TENM4: variants seen among roughly 807,000 people sequenced by gnomAD.
TENM4 encodes teneurin transmembrane protein 4, also known as teneurin-4.
In TENM4, 82 loss-of-function variants were observed where a neutral mutation model predicts 243.3. The ratio of observed to expected loss-of-function variants is 0.34; its 90% CI spans 0.28 to 0.40. TENM4 has a LOEUF of 0.40. TENM4 is among the 10% of genes least tolerant of loss of function. The pLI, the probability that TENM4 is intolerant of heterozygous loss-of-function variation, is 1.00. For missense variants in TENM4, 3,138 were observed against 3,673.3 expected, an observed-to-expected ratio of 0.85 and a Z score of 3.77; for synonymous variants, 1,412 against 1,456.3, an observed-to-expected ratio of 0.97 and a Z score of 0.69.
At chr11:79,138,336 A>G (rs1862156977) in intron 4 of TENM4, among the ~76,000 whole-genome samples, 1 of 124,066 alleles carries the variant, frequency 8.1e-6, no homozygotes, top group Admixed American at 1.0e-4. Context: ...TATATTATAT[A>G]TATAATATAT....
chr11:79,235,218 C>T (rs1015193662), intron 2 of TENM4, among the ~76,000 whole-genome samples: 7 of 152,238 alleles, frequency 4.6e-5, no homozygotes, highest in African/African-American at 1.7e-4. Context: ...GAGGCTGAGG[C>T]AGGAGAATCG....
intron 6 of TENM4, among the ~76,000 whole-genome samples, chr11:79,053,445 G>C (rs1043286609): frequency 6.6e-6 from 1 of 152,202 alleles, no homozygotes; most frequent in Non-Finnish European, 1.5e-5. Context: ...ATCACCTTCA[G>C]GACAAAGGCT....
chr11:79,028,917 A>C (rs1859155777), intron 6 of TENM4, among the ~76,000 whole-genome samples: 1 of 152,194 alleles, frequency 6.6e-6, no homozygotes, highest in Admixed American at 6.5e-5. Flanking sequence ...TCTGAGTTTA[A>C]CAAGCACACT....
Position 79,399,982 on chromosome 11 carries a change from C to T in TENM4, c.-321+40527G>A, listed in dbSNP as rs192677058. Among the ~76,000 whole-genome samples the T allele has an allele frequency of 5.3e-5, 8 of 152,138 alleles. No homozygotes were observed. In the East Asian group the frequency reaches 1.5e-3, roughly 29 times the overall value. On this transcript the variant is annotated intron_variant, in intron 1 of 33. Coordinates refer to ENST00000278550, the MANE Select transcript of TENM4 (RefSeq NM_001098816.3). ...CAAACTCCCACCCAAGGCAGAAATCCTTCTTTAAACAACCCTGACAAACCA... is the reference window on the plus strand; with the variant it reads ...CAAACTCCCACCCAAGGCAGAAATCTTTCTTTAAACAACCCTGACAAACCA...
intron 28 of TENM4, among the ~76,000 whole-genome samples, chr11:78,688,801 A>G (rs1431586379): frequency 6.6e-6 from 1 of 152,076 alleles, no homozygotes; most frequent in South Asian, 2.1e-4. Flanking sequence ...GCCTCTTGCA[A>G]CCCCTTCCAT....
In TENM4 at chr11:78,683,247, C is replaced by A. The variant is rs958524136; in HGVS notation, c.5260+4807G>T. Among the ~76,000 whole-genome samples the A allele has an allele frequency of 5.0e-4, 28 of 55,906 alleles. 7 individuals carry two copies. Among genetic ancestry groups the A allele is most frequent in the East Asian group, 3.7e-3 (15 of 4,104 alleles). The allele number at this position is 55,906 out of a possible 152,430, so 36.7% of individuals were successfully genotyped here. A position where few individuals can be genotyped will look rare whatever the true frequency, so the allele number is the denominator to read the frequency against. On this transcript the variant is annotated intron_variant, in intron 29 of 33. Transcript: ENST00000278550. ...TGTCTTTTTGTTTGTCTGTGCCCTG[C>A]CCCCAGAGGTGGAGCCTACAGAGGC...
At chr11:79,030,585 T>C (rs1859202526) in intron 6 of TENM4, among the ~76,000 whole-genome samples, 1 of 152,042 alleles carries the variant, frequency 6.6e-6, no homozygotes, top group African/African-American at 2.4e-5. Context: ...GTCAGTCCTC[T>C]CCAATTTTAG....
chr11:78,676,091 C>T (rs907102912), intron 30 of TENM4, 61 bp downstream of exon 30: 21 of 1,385,894 alleles, frequency 1.5e-5, no homozygotes, highest in Middle Eastern at 2.7e-4. Context: ...AACAGAGCCC[C>T]GTTCTCCCGT....
intron 1 of TENM4, among the ~76,000 whole-genome samples, chr11:79,309,298 A>G (rs1590869172): frequency 6.6e-6 from 1 of 152,212 alleles, no homozygotes; most frequent in African/African-American, 2.4e-5. Context: ...GGCGAATTTC[A>G]TTGCCTTGGG....
chr11:78,892,327 C>A (rs1855687442), intron 7 of TENM4, among the ~76,000 whole-genome samples: 1 of 152,178 alleles, frequency 6.6e-6, no homozygotes, highest in Non-Finnish European at 1.5e-5. Flanking sequence ...TGTAACAATC[C>A]AGTGGTGGCT....
At chr11:78,947,170 T>C (rs1404833864) in intron 6 of TENM4, among the ~76,000 whole-genome samples, 2 of 152,090 alleles carry the variant, frequency 1.3e-5, no homozygotes, top group African/African-American at 4.8e-5. Flanking sequence ...GTTTACAGAG[T>C]ACCCACCGTG....
At chr11:79,144,704 C>T (rs1862363861) in intron 4 of TENM4, among the ~76,000 whole-genome samples, 1 of 152,006 alleles carries the variant, frequency 6.6e-6, no homozygotes, top group South Asian at 2.1e-4. Context: ...TGCATGTTCT[C>T]ACTCATCTGT....
intron 27 of TENM4, among the ~76,000 whole-genome samples, chr11:78,706,160 A>G (rs1859242820): frequency 6.6e-6 from 1 of 152,224 alleles, no homozygotes; most frequent in Non-Finnish European, 1.5e-5. Context: ...GTAAGAAAAG[A>G]GAAGTTGTAC....
intron 26 of TENM4, among the ~76,000 whole-genome samples, chr11:78,710,346 T>C (rs1242069037): frequency 1.3e-5 from 2 of 152,150 alleles, no homozygotes; most frequent in Non-Finnish European, 2.9e-5. Context: ...GACCCACGTG[T>C]CTCTCACTGG....
At chr11:78,952,874 A>G (rs1857133071) in intron 6 of TENM4, among the ~76,000 whole-genome samples, 2 of 152,092 alleles carry the variant, frequency 1.3e-5, no homozygotes, top group Admixed American at 1.3e-4. Flanking sequence ...TCACTGAGAT[A>G]GTGGGGAAAG....
intron 27 of TENM4, among the ~76,000 whole-genome samples, chr11:78,707,897 T>C (rs1406890321): frequency 6.6e-6 from 1 of 152,210 alleles, no homozygotes; most frequent in Non-Finnish European, 1.5e-5. Context: ...AAAGCTAGGA[T>C]TCAATCAATC....
At chr11:79,094,007 T>C (rs1215780560) in intron 4 of TENM4, among the ~76,000 whole-genome samples, 3 of 152,204 alleles carry the variant, frequency 2.0e-5, no homozygotes, top group Admixed American at 6.5e-5. Flanking sequence ...ACTAGGTACA[T>C]TTCAAAAGTA....
At chr11:78,823,195 G>A (rs1256787445) in intron 12 of TENM4, among the ~76,000 whole-genome samples, 2 of 152,182 alleles carry the variant, frequency 1.3e-5, no homozygotes, top group Admixed American at 6.5e-5. Flanking sequence ...GAGCGCTCCC[G>A]GGAAATGCCT....
intron 3 of TENM4, among the ~76,000 whole-genome samples, chr11:79,173,487 G>T (rs661939): frequency 0.076 from 11,562 of 152,136 alleles, 519 homozygotes; most frequent in South Asian, 0.14. Flanking sequence ...CACCAGGTGG[G>T]TCAGTCTGCC....
Sources: gnomAD v4.1 joint callset for allele counts (sites outside exome capture counted in the v4.1 genomes callset) on GRCh38, gnomAD v4.1.1 for gene constraint, MANE v1.5 for transcripts, NCBI Gene and HGNC (gene_info 2026-07-23, HGNC 2026-07-21) for gene names.